Variants in PALS1 observed in about 807,000 individuals in gnomAD.
PALS1 encodes the protein protein associated with LIN7 1, MAGUK p55 family member.
Under a neutral mutation model 78.9 loss-of-function variants are expected in PALS1, and 31 were observed. The observed-to-expected ratio is 0.39, with a 90% CI of 0.30 to 0.53. The LOEUF is 0.53. PALS1 is among the 20% of genes least tolerant of loss of function. PALS1 has a pLI of 0.67. For synonymous variants in PALS1, 276 were observed against 270.9 expected, an observed-to-expected ratio of 1.02 and a Z score of -0.18; for missense variants, 704 against 826.5, an observed-to-expected ratio of 0.85 and a Z score of 1.82.
At chr14:67,284,759 A>G (rs1294209427) in intron 3 of PALS1, among the ~76,000 whole-genome samples, 2 of 151,880 alleles carry the variant, frequency 1.3e-5, no homozygotes, top group East Asian at 3.8e-4. Flanking sequence ...CTCTTTTGTG[A>G]CTGGCCTCTT....
At chr14:67,270,673 A>G (rs1159021554) in intron 2 of PALS1, 1 of 151,676 alleles carries the variant, frequency 6.6e-6, no homozygotes, top group African/African-American at 2.4e-5. Flanking sequence ...TATAGACTAC[A>G]TGTATGGGCT....
At chr14:67,270,408 A>T (rs1940023064) in intron 2 of PALS1, 1 of 151,976 alleles carries the variant, frequency 6.6e-6, no homozygotes, top group African/African-American at 2.4e-5. Context: ...TTTGAAATGT[A>T]GTCCTTTGAA....
At chr14:67,257,649 TTATA>T (rs781469125) in intron 1 of PALS1, among the ~76,000 whole-genome samples, 19 of 152,266 alleles carry the variant, frequency 1.2e-4, no homozygotes, top group Admixed American at 5.9e-4. Flanking sequence ...CACACGTATT[TTATA>T]TATGTATATA....
intron 1 of PALS1, among the ~76,000 whole-genome samples, chr14:67,244,415 C>T (rs11158658): frequency 0.012 from 1,837 of 152,268 alleles, 19 homozygotes; most frequent in Non-Finnish European, 0.018. Context: ...CACTGGGCAT[C>T]GTAAGATTTT....
chr14:67,312,462 A>C, intron 8 of PALS1, 65 bp from the exon 9 acceptor site: 1 of 1,170,644 alleles, frequency 8.5e-7, no homozygotes, highest in Non-Finnish European at 1.2e-6. Flanking sequence ...TAGCATTTAA[A>C]TTGTATTCAT....
Position 67,311,369 on chromosome 14 carries a change from A to C in PALS1, c.1042-1158A>C, listed in dbSNP as rs117291499. On this transcript the variant is annotated intron_variant, in intron 8 of 14. Coordinates refer to ENST00000261681, the MANE Select transcript of PALS1 (RefSeq NM_022474.4). ...AATATTTGGATAGAAATGGACCTTG[A>C]ATTCTTAGACTGTTTGTCTTTTGCT... Among the ~76,000 whole-genome samples, 38 of 151,480 alleles carry C rather than the reference A, an allele frequency of 2.5e-4. No homozygotes were observed. In the East Asian group the frequency reaches 7.2e-3, roughly 29 times the overall value.
At chr14:67,315,714 T>C (rs1256241541) in intron 9 of PALS1, among the ~76,000 whole-genome samples, 1 of 152,138 alleles carries the variant, frequency 6.6e-6, no homozygotes, top group Non-Finnish European at 1.5e-5. Flanking sequence ...CACCTGAGAT[T>C]AGGAGTTTAA....
chr14:67,322,365 A>C (rs1295277311), intron 13 of PALS1, among the ~76,000 whole-genome samples: 1 of 152,048 alleles, frequency 6.6e-6, no homozygotes, highest in Non-Finnish European at 1.5e-5. Context: ...AAAACAAAAA[A>C]ACCTAATTTT....
intron 2 of PALS1, among the ~76,000 whole-genome samples, chr14:67,278,126 T>A (rs1269781463): frequency 6.6e-6 from 1 of 151,484 alleles, no homozygotes; most frequent in Non-Finnish European, 1.5e-5. Context: ...GGCCTCTGCC[T>A]CTCAGGTTCA....
chr14:67,247,345 T>G (rs1471540332), intron 1 of PALS1, among the ~76,000 whole-genome samples: 1 of 152,194 alleles, frequency 6.6e-6, no homozygotes. Context: ...AGAAATTAAT[T>G]TTTGTATATT....
At chr14:67,279,673 T>G in intron 3 of PALS1, 136 bp downstream of exon 3, 1 of 824,020 alleles carries the variant, frequency 1.2e-6, no homozygotes, top group Non-Finnish European at 1.8e-6. Context: ...TCCTTTGTTT[T>G]CGTGGAAACG....
chr14:67,307,744 A>G (rs2085025420), intron 8 of PALS1, among the ~76,000 whole-genome samples: 1 of 152,210 alleles, frequency 6.6e-6, no homozygotes, highest in Admixed American at 6.5e-5. Context: ...GAACTTTAAG[A>G]GTTAAAGATA....
At chr14:67,266,557 C>T (rs577589624) in intron 1 of PALS1, among the ~76,000 whole-genome samples, 1 of 152,134 alleles carries the variant, frequency 6.6e-6, no homozygotes, top group South Asian at 2.1e-4. Context: ...AACTGCTGAC[C>T]TCAAGTGATC....
chr14:67,242,001 T>C (rs2083913714), intron 1 of PALS1: 1 of 152,230 alleles, frequency 6.6e-6, no homozygotes, highest in Non-Finnish European at 1.5e-5. Flanking sequence ...CTGCTGCTCA[T>C]TGCGTTCTTA....
At position 67,311,506 on chromosome 14, in the gene PALS1, A is replaced by C. The variant is rs909766974; in HGVS notation, c.1042-1021A>C. Among the ~76,000 whole-genome samples, 12 of 152,166 alleles carry C rather than the reference A, an allele frequency of 7.9e-5. No homozygotes were observed. The East Asian group carries it at 2.3e-3, about 29-fold the overall frequency. ...ATTTGTGTGAGATCTCATTAGATGA[A>C]GTAGATTTCTTATAGATTTTGGAAG... On this transcript the variant is annotated intron_variant, in intron 8 of 14. Transcript: ENST00000261681.
In PALS1 at chr14:67,332,963, C is replaced by A; in HGVS notation, c.*7C>A. The A allele has an allele frequency of 1.3e-6, 2 of 1,597,436 alleles. No individual in the cohort carries two copies. Among genetic ancestry groups the A allele is most frequent in the Non-Finnish European group, 8.6e-7 (1 of 1,167,432 alleles). ...ATCCACTTGGCTGAGGTGAAAGAAA[C>A]ATCCATTCTGTGGCATGTTGGACTT... On this transcript the variant is annotated 3_prime_UTR_variant, in exon 15 of 15. Transcript: ENST00000261681.
intron 4 of PALS1, among the ~76,000 whole-genome samples, chr14:67,294,174 A>G (rs966085670): frequency 4.6e-5 from 7 of 152,216 alleles, no homozygotes; most frequent in Non-Finnish European, 1.5e-5. Flanking sequence ...AGTACTGTAT[A>G]AAGGAGATTT....
At chr14:67,258,927 C>G (rs2084186656) in intron 1 of PALS1, among the ~76,000 whole-genome samples, 1 of 151,918 alleles carries the variant, frequency 6.6e-6, no homozygotes, top group African/African-American at 2.4e-5. Flanking sequence ...CTGCAGCCTC[C>G]CACCTCCCGG....
chr14:67,270,236 C>T (rs558150151), intron 2 of PALS1: 2 of 152,306 alleles, frequency 1.3e-5, no homozygotes, highest in South Asian at 4.1e-4. Flanking sequence ...TTGCCCCCTT[C>T]TCCCGCAACT....
Sources: allele counts gnomAD v4.1 joint callset (sites outside exome capture counted in the v4.1 genomes callset), GRCh38; gene constraint gnomAD v4.1.1; transcripts MANE v1.5; gene names NCBI Gene and HGNC (gene_info 2026-07-23, HGNC 2026-07-21).